Variants in STEAP1B observed in about 807,000 individuals in gnomAD.
The protein encoded by STEAP1B is STEAP family protein MGC87042.
In STEAP1B, 13 loss-of-function variants were observed where a neutral mutation model predicts 27.9. The observed-to-expected ratio is 0.47, with a 90% CI of 0.30 to 0.74. The LOEUF is 0.74. Among genes scored for constraint, STEAP1B ranks in the 30% least tolerant of loss-of-function variants. The pLI, the probability that STEAP1B is intolerant of heterozygous loss-of-function variation, is 0.06. For synonymous variants in STEAP1B, 86 were observed against 107.1 expected, an observed-to-expected ratio of 0.80 and a Z score of 1.22; for missense variants, 250 against 298.7, an observed-to-expected ratio of 0.84 and a Z score of 1.20.
intron 4 of STEAP1B, among the ~76,000 whole-genome samples, chr7:22,451,234 A>G (rs1274539372): frequency 2.0e-5 from 3 of 151,648 alleles, no homozygotes; most frequent in African/African-American, 7.3e-5. Context: ...CAGATTGTTC[A>G]TTGTTGGCAT....
intron 4 of STEAP1B, among the ~76,000 whole-genome samples, chr7:22,423,229 A>G (rs1231581680): frequency 6.6e-6 from 1 of 152,228 alleles, no homozygotes; most frequent in African/African-American, 2.4e-5. Flanking sequence ...AACGTTAAGC[A>G]TAAATTTACC....
intron 4 of STEAP1B, among the ~76,000 whole-genome samples, chr7:22,461,927 G>A (rs1199287965): frequency 1.3e-5 from 2 of 152,176 alleles, no homozygotes; most frequent in African/African-American, 4.8e-5. Flanking sequence ...AGGATTAAGT[G>A]AGATCATCTG....
At chr7:22,486,493 T>G (rs1472383213) in intron 4 of STEAP1B, among the ~76,000 whole-genome samples, 1 of 152,116 alleles carries the variant, frequency 6.6e-6, no homozygotes. Flanking sequence ...CTTCCTCCTA[T>G]GCCAACCCTC....
intron 4 of STEAP1B, among the ~76,000 whole-genome samples, chr7:22,466,203 T>A (rs1583644897): frequency 6.6e-6 from 1 of 152,216 alleles, no homozygotes; most frequent in African/African-American, 2.4e-5. Flanking sequence ...ATATTTCTTG[T>A]GTACAACAGT....
chr7:22,483,352 T>G (rs1786119887), intron 4 of STEAP1B, among the ~76,000 whole-genome samples: 1 of 152,210 alleles, frequency 6.6e-6, no homozygotes, highest in African/African-American at 2.4e-5. Context: ...CATACGTTCA[T>G]TTTTACTCAG....
chr7:22,434,633 A>T (rs1169943307), intron 4 of STEAP1B, among the ~76,000 whole-genome samples: 1 of 152,182 alleles, frequency 6.6e-6, no homozygotes, highest in Non-Finnish European at 1.5e-5. Flanking sequence ...TTATTCTCTA[A>T]ATGTTTTTGA....
chr7:22,492,465 A>G, intron 4 of STEAP1B, 100 bp downstream of exon 4: 3 of 1,415,048 alleles, frequency 2.1e-6, no homozygotes, highest in Non-Finnish European at 2.8e-6. Context: ...TTTGCTGTTG[A>G]AAAACATTTG....
chr7:22,454,128 G>A (rs1785532906), intron 4 of STEAP1B, among the ~76,000 whole-genome samples: 1 of 152,108 alleles, frequency 6.6e-6, no homozygotes, highest in South Asian at 2.1e-4. Flanking sequence ...TTTATAACAG[G>A]AATAACAAGG....
rs147497352 is a variant in STEAP1B, at chr7:22,478,678, T to C, written c.762+13887A>G. Among the ~76,000 whole-genome samples the C allele has an allele frequency of 2.8e-3, 429 of 152,278 alleles. 5 individuals are homozygous for C. The highest frequency in any genetic ancestry group is 8.9e-3 in the African/African-American group (371 of 41,532). ...GAATTTATACATATAAAAATCTTAC[T>C]TGGGGGGGGCTTGGACAGAGTCATC... On this transcript the variant is annotated intron_variant, in intron 4 of 4. Transcript: ENST00000678116.
chr7:22,439,738 A>G (rs1785303808), intron 4 of STEAP1B, among the ~76,000 whole-genome samples: 1 of 152,228 alleles, frequency 6.6e-6, no homozygotes, highest in African/African-American at 2.4e-5. Context: ...ATATTCCACT[A>G]AAGGAAATAG....
chr7:22,441,899 C>G (rs1030765574), intron 4 of STEAP1B, among the ~76,000 whole-genome samples: 1 of 152,214 alleles, frequency 6.6e-6, no homozygotes. Context: ...GGCCTACAGG[C>G]CTCAGTAAGA....
intron 4 of STEAP1B, among the ~76,000 whole-genome samples, chr7:22,453,231 C>T (rs536779002): frequency 1.1e-4 from 17 of 152,354 alleles, no homozygotes; most frequent in Admixed American, 1.0e-3. Flanking sequence ...TTACCCATCT[C>T]AACCATCTTT....
intron 4 of STEAP1B, among the ~76,000 whole-genome samples, chr7:22,485,823 A>G (rs1040959854): frequency 2.5e-4 from 38 of 152,190 alleles, no homozygotes; most frequent in Admixed American, 2.0e-3. Context: ...TCCCCTTGTT[A>G]AAATAGATTG....
At chr7:22,461,357 G>A (rs1785675513) in intron 4 of STEAP1B, among the ~76,000 whole-genome samples, 1 of 152,110 alleles carries the variant, frequency 6.6e-6, no homozygotes, top group African/African-American at 2.4e-5. Flanking sequence ...CTGCCTCCCG[G>A]GTTCAAGCGA....
intron 4 of STEAP1B, among the ~76,000 whole-genome samples, chr7:22,461,403 C>T (rs1785676077): frequency 6.6e-6 from 1 of 152,074 alleles, no homozygotes; most frequent in Admixed American, 6.5e-5. Flanking sequence ...GCTGCCATTA[C>T]AGGTGCCCAC....
Position 22,493,780 on chromosome 7 carries a change from C to T in STEAP1B, c.141G>A (p.Gln47=), listed in dbSNP as rs1308200671. 5.6e-6 allele frequency: 9 copies of T among 1,613,514 alleles called. No homozygotes were observed. Among genetic ancestry groups the T allele is most frequent in the Non-Finnish European group, 7.6e-6 (9 of 1,179,750 alleles). Residue 47 remains glutamine, a synonymous_variant, in exon 3 of 5, where the codon CAG becomes CAA. Coordinates refer to ENST00000678116, the MANE Select transcript of STEAP1B (RefSeq NM_001382447.1). The stretch of plus-strand genomic sequence containing the variant: ...CAAATTCATCAGCATGGGCTGTTTG[C>T]TGCAAATGCAAAAGCACAGGTCTTT... ...MLKRPVLLHL[Q]QTAHADEFDC...
At chr7:22,461,954 C>T (rs1166071467) in intron 4 of STEAP1B, among the ~76,000 whole-genome samples, 2 of 152,316 alleles carry the variant, frequency 1.3e-5, no homozygotes, top group African/African-American at 4.8e-5. Context: ...GTACTTGAAA[C>T]GTACCAGCCA....
chr7:22,492,446 T>A (rs1175200139), intron 4 of STEAP1B, 119 bp downstream of exon 4: 12 of 1,379,060 alleles, frequency 8.7e-6, no homozygotes, highest in Non-Finnish European at 1.1e-5. Context: ...CTGGAACAAG[T>A]ACAAGATCTT....
chr7:22,456,972 A>ATATATATATATATTTTTTTTTTTTTTT, intron 4 of STEAP1B, among the ~76,000 whole-genome samples: 4 of 57,078 alleles, frequency 7.0e-5, no homozygotes, highest in African/African-American at 1.4e-4. Flanking sequence ...ATATATATAT[A>ATATATATATATATTTTTTTTTTTTTTT]TTTTTTTTTT....
Sources: gnomAD v4.1 joint callset for allele counts (sites outside exome capture counted in the v4.1 genomes callset) on GRCh38, gnomAD v4.1.1 for gene constraint, MANE v1.5 for transcripts, NCBI Gene and HGNC (gene_info 2026-07-23, HGNC 2026-07-21) for gene names.